Variants in OSMR observed in about 807,000 individuals in gnomAD.
The protein encoded by OSMR is oncostatin M receptor.
In OSMR, 81 loss-of-function variants were observed where a neutral mutation model predicts 99.9. The observed-to-expected ratio is 0.81, with a 90% CI of 0.68 to 0.97. OSMR has a LOEUF of 0.97. Ranked by LOEUF, OSMR falls within the 50% of genes least tolerant of loss-of-function variation. The pLI, the probability that OSMR is intolerant of heterozygous loss-of-function variation, is 0.00. For synonymous variants in OSMR, 406 were observed against 410.4 expected (o/e 0.99, Z 0.13); for missense variants, 1,099 against 1,153.4 (o/e 0.95, Z 0.68).
intron 7 of OSMR, among the ~76,000 whole-genome samples, chr5:38,902,463 T>A (rs1744957018): frequency 6.6e-6 from 1 of 152,224 alleles, no homozygotes; most frequent in Non-Finnish European, 1.5e-5. Context: ...AACCTCCCAA[T>A]GTCATCAGTT....
In OSMR at chr5:38,899,556, C is replaced by T. The variant is rs1257626768; in HGVS notation, c.992-4326C>T. Among the ~76,000 whole-genome samples, 3 of 152,186 alleles carry T rather than the reference C, an allele frequency of 2.0e-5. No homozygotes were observed. The South Asian group carries it at 6.2e-4, about 32-fold the overall frequency. On this transcript the variant is annotated intron_variant, in intron 7 of 17. Coordinates refer to ENST00000274276, the MANE Select transcript of OSMR (RefSeq NM_003999.3). ...ACGTCTCAGAGTCTCACCCAAGGCC[C>T]ATGGTATACTACTTGGGTATTGCTC...
At chr5:38,939,567 C>T (rs1747311644), downstream of OSMR, 2 of 230,104 alleles carry the variant, frequency 8.7e-6, no homozygotes, top group South Asian at 3.7e-4. Context: ...TCAGTATTTA[C>T]TTAGTATGTG....
At position 38,864,632 on chromosome 5, in the gene OSMR, T is replaced by G. The variant is rs190472664; in HGVS notation, c.-13-4400T>G. ...ACTAAGAAATTCATTGTTAGTCTGA[T>G]GGGGGTTTCCTTATATATGACTTGA... On this transcript the variant is annotated intron_variant, in intron 1 of 17. Coordinates refer to ENST00000274276, the MANE Select transcript of OSMR (RefSeq NM_003999.3). 2.6e-3 allele frequency among the ~76,000 whole-genome samples: 403 copies of G among 152,076 alleles called. 7 individuals carry two copies. The highest frequency in any genetic ancestry group is 0.023 in the Admixed American group (357 of 15,280).
At chr5:38,870,647 G>A (rs1385006298) in intron 2 of OSMR, among the ~76,000 whole-genome samples, 1 of 152,202 alleles carries the variant, frequency 6.6e-6, no homozygotes, top group Non-Finnish European at 1.5e-5. Context: ...AGCTAACTTA[G>A]GGGAATAAGG....
At chr5:38,908,337 T>TC (rs1745373844) in intron 9 of OSMR, among the ~76,000 whole-genome samples, 2 of 151,978 alleles carry the variant, frequency 1.3e-5, no homozygotes, top group African/African-American at 4.8e-5. Context: ...TCTGCCTGCA[T>TC]CCCCCCACCA....
At position 38,884,048 on chromosome 5, in the gene OSMR, T is replaced by C. The variant is rs1045054711; in HGVS notation, c.640T>C (p.Tyr214His). The C allele has an allele frequency of 8.7e-6, 14 of 1,613,862 alleles. No individual in the cohort carries two copies. The African/African-American group carries it at 1.7e-4, about 20-fold the overall frequency. Reference protein sequence around the residue: ...PFIRNKGTNIYCEASQGNVSE... With the variant: ...PFIRNKGTNIHCEASQGNVSE... ...CATTAGGAATAAAGGGACAAATATC[T>C]ATTGTGAGGCAAGTCAAGGAAATGT... Residue 214 changes from tyrosine to histidine, a missense_variant, in exon 5 of 18, where the codon TAT becomes CAT. Physicochemically the swap from Tyr to His is moderately conservative, Grantham distance 83. Transcript: ENST00000274276.
At chr5:38,864,856 GA>G (rs1171186883) in intron 1 of OSMR, among the ~76,000 whole-genome samples, 1 of 152,042 alleles carries the variant, frequency 6.6e-6, no homozygotes, top group Non-Finnish European at 1.5e-5. Context: ...TTTCCTTATA[GA>G]ACACCAAAAA....
chr5:38,903,447 A>T (rs1241913333), intron 7 of OSMR, among the ~76,000 whole-genome samples: 1 of 152,224 alleles, frequency 6.6e-6, no homozygotes, highest in East Asian at 1.9e-4. Flanking sequence ...ACTGGAACAG[A>T]GCCTGAGCTG....
Position 38,921,666 on chromosome 5 carries a change from C to T in OSMR, c.1637C>T (p.Ser546Phe). The T allele has an allele frequency of 6.2e-7, 1 of 1,614,130 alleles. No homozygotes were observed. Among genetic ancestry groups the T allele is most frequent in the Non-Finnish European group, 8.5e-7 (1 of 1,179,986 alleles). The stretch of plus-strand genomic sequence containing the variant: ...GGCACAGAGGGTGGATTCTCTCTGT[C>T]TTGGAAACCCCAACCTGGAGATGTT... ...IAGTEGGFSL[S>F]WKPQPGDVIG... Residue 546 changes from serine (S) to phenylalanine (F), a missense_variant, in exon 12 of 18, where the codon TCT (serine) becomes TTT (phenylalanine). Physicochemically the swap from Ser to Phe is radical, Grantham distance 155. Coordinates refer to ENST00000274276, the MANE Select transcript of OSMR (RefSeq NM_003999.3).
chr5:38,875,131 A>G (rs1742712782), intron 2 of OSMR, among the ~76,000 whole-genome samples: 1 of 152,218 alleles, frequency 6.6e-6, no homozygotes, highest in African/African-American at 2.4e-5. Context: ...TTAAAAGATG[A>G]TATCTCTTAC....
At position 38,863,176 on chromosome 5, in the gene OSMR, G is replaced by GGGGAGA. The variant is rs1227806936; in HGVS notation, c.-13-5840_-13-5835dup. On this transcript the variant is annotated intron_variant, in intron 1 of 17. Coordinates refer to ENST00000274276, the MANE Select transcript of OSMR (RefSeq NM_003999.3). The stretch of plus-strand genomic sequence containing the variant: ...ATGTAAAGAGGGAGAGGGAGACCGT[G>GGGGAGA]GGGAGAGGGAGAGGGAGAGGGGGAG... Among the ~76,000 whole-genome samples, 180 of 114,788 alleles carry GGGGAGA rather than the reference G, an allele frequency of 1.6e-3. 4 individuals carry two copies. The highest frequency in any genetic ancestry group is 5.6e-3 in the African/African-American group (165 of 29,642). The allele number at this position is 114,788 out of a possible 152,430, so 75.3% of individuals were successfully genotyped here.
At position 38,904,363 on chromosome 5, in the gene OSMR, CCAT is replaced by C. The variant is rs1237825809; in HGVS notation, c.1148_1150del (p.Ile383del). On this transcript the variant is annotated inframe_deletion, in exon 9 of 18. Transcript: ENST00000274276. ...TTTTTGATCAAGCAGTACAATGTTT[CCAT>C]CAAGGTGAACGGTGAGTACTTCTTA... 1.9e-6 allele frequency: 3 copies of C among 1,613,880 alleles called. No homozygotes were observed. The South Asian group carries it at 3.3e-5, about 18-fold the overall frequency.
At chr5:38,851,243 A>G (rs965675348) in intron 1 of OSMR, among the ~76,000 whole-genome samples, 8 of 152,242 alleles carry the variant, frequency 5.3e-5, no homozygotes, top group African/African-American at 1.9e-4. Flanking sequence ...GCAGAACTGT[A>G]TAACTTAAAG....
intron 3 of OSMR, among the ~76,000 whole-genome samples, chr5:38,880,426 A>C (rs1015246663): frequency 6.6e-6 from 1 of 152,130 alleles, no homozygotes; most frequent in Non-Finnish European, 1.5e-5. Flanking sequence ...GCATGCCTGG[A>C]GCTTTGGGGG....
intron 13 of OSMR, among the ~76,000 whole-genome samples, chr5:38,923,594 A>AT (rs925755746): frequency 5.3e-5 from 8 of 151,916 alleles, no homozygotes; most frequent in South Asian, 4.2e-4. Context: ...AGCTTTTAAA[A>AT]TTTTTTTTTC....
chr5:38,930,651 TAGTGTC>T (rs1746681974), intron 15 of OSMR, among the ~76,000 whole-genome samples: 1 of 152,174 alleles, frequency 6.6e-6, no homozygotes, highest in African/African-American at 2.4e-5. Context: ...AACAGGAAGA[TAGTGTC>T]AGTCTAATAA....
intron 1 of OSMR, among the ~76,000 whole-genome samples, chr5:38,862,058 G>A (rs1396916265): frequency 9.7e-6 from 1 of 102,882 alleles, no homozygotes. Context: ...GGGCAGAGGC[G>A]CCCCTCACCT....
At chr5:38,917,446 G>GA in intron 9 of OSMR, 100 bp from the exon 10 acceptor site, 1 of 1,544,790 alleles carries the variant, frequency 6.5e-7, no homozygotes, top group East Asian at 2.4e-5. Context: ...CCTCAGGTTG[G>GA]ACAGGTAATT....
At chr5:38,929,484 G>C (rs62352641) in intron 15 of OSMR, among the ~76,000 whole-genome samples, 3,069 of 152,242 alleles carry the variant, frequency 0.02, 55 homozygotes, top group Non-Finnish European at 0.029. Flanking sequence ...TCCTGAGTAT[G>C]GAAGTAGATT....
Sources: gnomAD v4.1 joint callset for allele counts (sites outside exome capture counted in the v4.1 genomes callset) on GRCh38, gnomAD v4.1.1 for gene constraint, MANE v1.5 for transcripts, NCBI Gene and HGNC (gene_info 2026-07-23, HGNC 2026-07-21) for gene names.